The following LRRTM4 variants were observed in gnomAD, a reference collection of about 807,000 sequenced individuals.
The protein encoded by LRRTM4 is leucine-rich repeat transmembrane neuronal protein 4.
Under a neutral mutation model 47.6 loss-of-function variants are expected in LRRTM4, and 25 were observed. That is an observed-to-expected ratio of 0.53 (90% confidence interval 0.38 to 0.73). The LOEUF (loss-of-function observed/expected upper bound fraction) is 0.73, where lower values mean the gene tolerates loss of function less well. LRRTM4 is among the 30% of genes least tolerant of loss of function. LRRTM4 has a pLI of 0.00. For synonymous variants in LRRTM4, 311 were observed against 269.5 expected, an observed-to-expected ratio of 1.15 and a Z score of -1.51; for missense variants, 638 against 713.4, an observed-to-expected ratio of 0.89 and a Z score of 1.20.
chr2:77,125,477 T>A (rs1671630916), intron 3 of LRRTM4, among the ~76,000 whole-genome samples: 1 of 152,156 alleles, frequency 6.6e-6, no homozygotes, highest in African/African-American at 2.4e-5. Flanking sequence ...TCCTACCTTT[T>A]TCCATCCTAA....
rs543936439 is a variant in LRRTM4, at chr2:77,117,651, G to A, written c.1552-368735C>T. Among the ~76,000 whole-genome samples, 52 of 151,742 alleles carry A rather than the reference G, an allele frequency of 3.4e-4. 1 individual carries two copies. The highest frequency in any genetic ancestry group is 1.1e-3 in the Admixed American group (16 of 15,224). On this transcript the variant is annotated intron_variant, in intron 3 of 3. Transcript: ENST00000409884. ...AACATTTATTTATGCACTTAAATTCGTGCAACAAATAAAATCAGCTGATTT... is the reference window on the plus strand; with the variant it reads ...AACATTTATTTATGCACTTAAATTCATGCAACAAATAAAATCAGCTGATTT...
At chr2:77,327,102 TGAAA>T (rs1028024638) in intron 3 of LRRTM4, among the ~76,000 whole-genome samples, 1 of 152,118 alleles carries the variant, frequency 6.6e-6, no homozygotes, top group Non-Finnish European at 1.5e-5. Flanking sequence ...ATTTTCCTCC[TGAAA>T]GAAAGGAGTA....
rs369519790 is a variant in LRRTM4 at position 76,923,023 on chromosome 2, G to T, written c.1552-174107C>A. On this transcript the variant is annotated intron_variant, in intron 3 of 3. Coordinates refer to ENST00000409884, the MANE Select transcript of LRRTM4 (RefSeq NM_001134745.3). ...TTAGGGGCAAACACAATAGAGTTAT[G>T]TACTAAGCATTATGTCTTATTGGGA... Among the ~76,000 whole-genome samples, 14 of 152,152 alleles carry T rather than the reference G, an allele frequency of 9.2e-5. No homozygotes were observed. In the East Asian group the frequency reaches 2.1e-3, roughly 23 times the overall value.
rs150036657 is a variant in LRRTM4 at position 77,001,380 on chromosome 2, A to G, written c.1552-252464T>C. Among the ~76,000 whole-genome samples, 703 of 152,270 alleles carry G rather than the reference A, an allele frequency of 4.6e-3. 6 individuals are homozygous for G. The highest frequency in any genetic ancestry group is 0.015 in the African/African-American group (631 of 41,562). ...TATTACATGGAGATCCTGGGTCCCA[A>G]TTCCCAGGAAAGTGATCTACCTGCT... On this transcript the variant is annotated intron_variant, in intron 3 of 3. Transcript: ENST00000409884.
chr2:77,161,259 C>T (rs755167065), intron 3 of LRRTM4, among the ~76,000 whole-genome samples: 12 of 152,128 alleles, frequency 7.9e-5, no homozygotes, highest in East Asian at 7.7e-4. Context: ...AGTGGACTGA[C>T]GCCAACCCAA....
At chr2:76,910,274 C>T (rs1318768445) in intron 3 of LRRTM4, among the ~76,000 whole-genome samples, 1 of 145,454 alleles carries the variant, frequency 6.9e-6, no homozygotes, top group Non-Finnish European at 1.5e-5. Context: ...CATATTCTCA[C>T]TCATAGGTGG....
rs1176965106 is a variant in LRRTM4 at position 76,793,211 on chromosome 2, C to T, written c.1552-44295G>A. Among the ~76,000 whole-genome samples the T allele has an allele frequency of 3.9e-5, 6 of 152,234 alleles. No homozygotes were observed. The East Asian group carries it at 7.7e-4, about 20-fold the overall frequency. ...TATACTCTAGGTTTTACAGAAAACA[C>T]TCATCTCTTGGTGTTGTCAATATTG... On this transcript the variant is annotated intron_variant, in intron 3 of 3. Coordinates refer to ENST00000409884, the MANE Select transcript of LRRTM4 (RefSeq NM_001134745.3).
At chr2:77,130,655 G>A (rs958629072) in intron 3 of LRRTM4, among the ~76,000 whole-genome samples, 5 of 149,600 alleles carry the variant, frequency 3.3e-5, no homozygotes, top group African/African-American at 1.2e-4. Context: ...GGGACTACAG[G>A]CGCCGGCCAC....
intron 3 of LRRTM4, among the ~76,000 whole-genome samples, chr2:77,250,956 A>T (rs1675585481): frequency 6.6e-6 from 1 of 151,896 alleles, no homozygotes; most frequent in Admixed American, 6.6e-5. Context: ...ATGCAAAATC[A>T]GCTGGGCATG....
In LRRTM4 at chr2:76,807,047, G is replaced by A. The variant is rs181785281; in HGVS notation, c.1552-58131C>T. Among the ~76,000 whole-genome samples, 383 of 152,168 alleles carry A rather than the reference G, an allele frequency of 2.5e-3. 4 individuals carry two copies. The highest frequency in any genetic ancestry group is 8.7e-3 in the African/African-American group (361 of 41,512). ...CATTTTTGTAACATGCACTGTAGGC[G>A]AAGTGTGATCAAATAAAATAGGCTG... On this transcript the variant is annotated intron_variant, in intron 3 of 3. Coordinates refer to ENST00000409884, the MANE Select transcript of LRRTM4 (RefSeq NM_001134745.3).
rs368267369 is a variant in LRRTM4, at chr2:77,075,682, G to A, written c.1552-326766C>T. Among the ~76,000 whole-genome samples, 12 of 151,746 alleles carry A rather than the reference G, an allele frequency of 7.9e-5. No individual in the cohort carries two copies. In the East Asian group the frequency reaches 1.9e-3, roughly 24 times the overall value. On this transcript the variant is annotated intron_variant, in intron 3 of 3. Transcript: ENST00000409884. The stretch of plus-strand genomic sequence containing the variant: ...TGTAATCCCAGCACTTTGGGAGGCC[G>A]AGGCGGGCAGATCACGAGGTCAGGA...
At chr2:77,172,423 C>T (rs567974852) in intron 3 of LRRTM4, among the ~76,000 whole-genome samples, 3 of 152,000 alleles carry the variant, frequency 2.0e-5, no homozygotes, top group Non-Finnish European at 2.9e-5. Context: ...GGTGAAACCC[C>T]GTCTCTAGTA....
rs554697203 is a variant in LRRTM4 at position 77,090,066 on chromosome 2, G to A, written c.1552-341150C>T. ...TCCCTTGCTCCCCAGGCTGCTCCTC[G>A]CCAGGCTGAGCTAGGTCCCAATTCT... is the stretch of plus-strand genomic sequence containing the variant. On this transcript the variant is annotated intron_variant, in intron 3 of 3. Transcript: ENST00000409884. 9.5e-4 allele frequency among the ~76,000 whole-genome samples: 145 copies of A among 151,896 alleles called. 1 individual carries two copies. The highest frequency in any genetic ancestry group is 5.0e-3 in the Admixed American group (77 of 15,252).
At chr2:77,027,989 A>C (rs1263252269) in intron 3 of LRRTM4, among the ~76,000 whole-genome samples, 1 of 151,992 alleles carries the variant, frequency 6.6e-6, no homozygotes, top group Non-Finnish European at 1.5e-5. Context: ...ATTAAAAAAA[A>C]AACTACAAAC....
At chr2:76,757,966 G>T (rs1203789639) in intron 3 of LRRTM4, among the ~76,000 whole-genome samples, 2 of 152,128 alleles carry the variant, frequency 1.3e-5, no homozygotes, top group Non-Finnish European at 2.9e-5. Flanking sequence ...AGGAATGCCA[G>T]TACTAAGAAG....
intron 3 of LRRTM4, among the ~76,000 whole-genome samples, chr2:76,987,857 G>T (rs1239469018): frequency 6.6e-6 from 1 of 151,438 alleles, no homozygotes; most frequent in Non-Finnish European, 1.5e-5. Context: ...TGACTAAAAG[G>T]GCCAGGAAAT....
intron 3 of LRRTM4, among the ~76,000 whole-genome samples, chr2:76,753,634 G>A (rs914039786): frequency 3.3e-5 from 5 of 152,092 alleles, no homozygotes; most frequent in Non-Finnish European, 7.4e-5. Context: ...AGAAGTTAGG[G>A]AGAGAGCGTA....
chr2:76,752,045 G>C (rs1293764624), intron 3 of LRRTM4, among the ~76,000 whole-genome samples: 1 of 152,046 alleles, frequency 6.6e-6, no homozygotes, highest in African/African-American at 2.4e-5. Context: ...ACATCAACAT[G>C]AACATTAAAC....
At chr2:76,828,530 T>C (rs1194251569) in intron 3 of LRRTM4, among the ~76,000 whole-genome samples, 1 of 151,932 alleles carries the variant, frequency 6.6e-6, no homozygotes, top group Non-Finnish European at 1.5e-5. Context: ...TGCTGCCCTT[T>C]GAGAAAGGAT....
Sources: gnomAD v4.1 joint callset for allele counts (sites outside exome capture counted in the v4.1 genomes callset) on GRCh38, gnomAD v4.1.1 for gene constraint, MANE v1.5 for transcripts, NCBI Gene and HGNC (gene_info 2026-07-23, HGNC 2026-07-21) for gene names.